The following GYG2 variants were observed in gnomAD, a reference collection of about 807,000 sequenced individuals.
GYG2 encodes the protein glycogenin-2.
Under a neutral mutation model 29.4 loss-of-function variants are expected in GYG2, and 29 were observed. The ratio of observed to expected loss-of-function variants is 0.99; its 90% CI spans 0.74 to 1.35. The LOEUF (loss-of-function observed/expected upper bound fraction) is 1.35. Among genes scored for constraint, GYG2 ranks in the 40% most tolerant of loss-of-function variants. The pLI, the probability that GYG2 is intolerant of heterozygous loss-of-function variation, is 0.00. For missense variants in GYG2, 370 were observed against 385.7 expected, an observed-to-expected ratio of 0.96 and a Z score of 0.34; for synonymous variants, 167 against 172.3, an observed-to-expected ratio of 0.97 and a Z score of 0.24.
intron 2 of GYG2, among the ~76,000 whole-genome samples, chrX:2,834,880 G>A (rs2087341000): frequency 8.9e-6 from 1 of 112,054 alleles, no homozygotes. Flanking sequence ...GAACCCAAAA[G>A]TATCTGAGAC....
intron 6 of GYG2, 147 bp from the exon 7 acceptor site, chrX:2,859,693 TATC>T: frequency 6.8e-6 from 3 of 442,616 alleles, no homozygotes; most frequent in Non-Finnish European, 8.0e-6. Flanking sequence ...ATAGTAGTAG[TATC>T]ATCAGTAATA....
intron 9 of GYG2, among the ~76,000 whole-genome samples, chrX:2,876,906 G>A (rs1231412169): frequency 1.8e-5 from 2 of 110,575 alleles, no homozygotes; most frequent in Non-Finnish European, 3.8e-5. Flanking sequence ...CCGAGATCAC[G>A]TCACTGCACT....
At chrX:2,840,341 GC>G (rs1348658103) in intron 2 of GYG2, among the ~76,000 whole-genome samples, 3 of 111,435 alleles carry the variant, frequency 2.7e-5, no homozygotes, top group Admixed American at 9.6e-5. Flanking sequence ...CCAGCTCTGG[GC>G]TTTGCAGATG....
At chrX:2,838,423 C>T (rs1382273312) in intron 2 of GYG2, among the ~76,000 whole-genome samples, 1 of 100,381 alleles carries the variant, frequency 1.0e-5, no homozygotes, top group East Asian at 3.2e-4. Flanking sequence ...TCTCTCTCTC[C>T]CCTCCTCTCC....
At position 2,855,042 on chromosome X, in the gene GYG2, C is replaced by A. The variant is rs965167856; in HGVS notation, c.374C>A (p.Ala125Asp). The A allele has an allele frequency of 8.3e-7, 1 of 1,210,783 alleles. No homozygotes were observed. Among genetic ancestry groups the A allele is most frequent in the Admixed American group, 2.2e-5 (1 of 46,040 alleles). ...TTTGACAGGGGAGAGTTTTCTGCGG[C>A]CCCGGACCCCGGATGGCCGGATTGC... ...ELFDRGEFSAAPDPGWPDCFN... is the reference protein window; with the variant it reads ...ELFDRGEFSADPDPGWPDCFN... Residue 125 changes from alanine (A) to aspartate (D), a missense_variant, in exon 5 of 11, where the codon GCC becomes GAC. Transcript: ENST00000398806.
At chrX:2,877,606 C>T (rs1355003347) in intron 10 of GYG2, 4 of 751,184 alleles carry the variant, frequency 5.3e-6, no homozygotes, top group East Asian at 1.5e-4. Flanking sequence ...GAAATTAATG[C>T]GTAGCAATCC....
In GYG2 at chrX:2,861,539, G is replaced by T. The variant is rs757913786; in HGVS notation, c.855G>T (p.Val285=). The T allele has an allele frequency of 8.3e-7, 1 of 1,200,903 alleles. No homozygotes were observed. The highest frequency in any genetic ancestry group is 1.1e-6 in the Non-Finnish European group (1 of 888,552). Residue 285 remains valine, a synonymous_variant, in exon 8 of 11, where the codon GTG becomes GTT. Coordinates refer to ENST00000398806, the MANE Select transcript of GYG2 (RefSeq NM_001079855.2). The part of the protein sequence containing the change: ...SPGHTLCHSD[V]GGPCADSASG... ...TTGTGCAGCTTTGCCACAGTGATGT[G>T]GGGGGGCCGTGTGCGGATTCAGCCT...
rs1350700443 is a variant in GYG2 at position 2,860,025 on chromosome X, G to A, written c.797G>A (p.Ser266Asn). The A allele has an allele frequency of 8.4e-7, 1 of 1,197,349 alleles. No individual in the cohort carries two copies. The highest frequency in any genetic ancestry group is 1.8e-5 in the African/African-American group (1 of 56,700). Residue 266 changes from serine to asparagine, a missense_variant, in exon 7 of 11, where the codon AGC becomes AAC. By Grantham distance (46) the Ser-to-Asn change is conservative. Coordinates refer to ENST00000398806, the MANE Select transcript of GYG2 (RefSeq NM_001079855.2). ...AACAACGTGCTGCCCCTTTATAAAA[G>A]CGTCCAAGCGGGGGAAGCACGCGCG... ...YQNNVLPLYK[S>N]VQAGEARASP... is the part of the protein sequence containing the mutation.
At chrX:2,851,306 C>A (rs1249061639) in intron 3 of GYG2, among the ~76,000 whole-genome samples, 15 of 111,604 alleles carry the variant, frequency 1.3e-4, no homozygotes, top group Non-Finnish European at 5.6e-5. Flanking sequence ...AGTGCAGTGG[C>A]ACGATCTCAG....
intron 3 of GYG2, among the ~76,000 whole-genome samples, chrX:2,845,975 A>T (rs1245591748): frequency 3.4e-5 from 3 of 89,269 alleles, no homozygotes; most frequent in Non-Finnish European, 6.5e-5. Flanking sequence ...ATTTAAATTT[A>T]AAAAAATATA....
intron 10 of GYG2, among the ~76,000 whole-genome samples, chrX:2,879,053 C>G (rs2088659394): frequency 1.8e-5 from 2 of 110,926 alleles, no homozygotes; most frequent in South Asian, 7.7e-4. Flanking sequence ...CTTGCTATCA[C>G]CTTAATCAAT....
chrX:2,872,034 G>A (rs1025491916), intron 8 of GYG2, among the ~76,000 whole-genome samples: 2 of 111,329 alleles, frequency 1.8e-5, no homozygotes, highest in African/African-American at 3.3e-5. Context: ...CTGCCTTTAC[G>A]ATGTCCTCTC....
In GYG2 at chrX:2,834,011, C is replaced by T. The variant is rs774583562; in HGVS notation, c.7+3816C>T. Among the ~76,000 whole-genome samples, 27 of 112,248 alleles carry T rather than the reference C, an allele frequency of 2.4e-4. 1 individual carries two copies. The highest frequency in any genetic ancestry group is 1.9e-5 in the Non-Finnish European group (1 of 53,256). On this transcript the variant is annotated intron_variant, in intron 2 of 10. Transcript: ENST00000398806. ...AGCCTCAGGATAATAGAAAAGGCTG[C>T]ATATCACCTTTGTAATCCGGGCCCT...
chrX:2,846,036 C>CACATATAT (rs1199380183), intron 3 of GYG2, among the ~76,000 whole-genome samples: 18 of 33,051 alleles, frequency 5.4e-4, no homozygotes, highest in African/African-American at 1.3e-3. Flanking sequence ...TATATATACA[C>CACATATAT]ATATATATAT....
rs1024337722 is a variant in GYG2, at chrX:2,881,870, G to A, written c.*657G>A. 9.0e-6 allele frequency: 1 copy of A among 111,431 alleles called. No individual in the cohort carries two copies. Among genetic ancestry groups the A allele is most frequent in the East Asian group, 2.8e-4 (1 of 3,536 alleles). 9.2% of individuals were successfully genotyped at this position (111,431 alleles called of 1,213,427 possible). A position where few individuals can be genotyped will look rare whatever the true frequency, so the allele number is the denominator to read the frequency against. ...GATTGTAGGTGGCTTGGGGAATGTG[G>A]GTGGCTTAGAGGATCTAAACCGATT... is the stretch of plus-strand genomic sequence containing the variant. On this transcript the variant is annotated 3_prime_UTR_variant, in exon 11 of 11. Coordinates refer to ENST00000398806, the MANE Select transcript of GYG2 (RefSeq NM_001079855.2).
At chrX:2,837,920 C>A (rs2087413114) in intron 2 of GYG2, among the ~76,000 whole-genome samples, 1 of 109,748 alleles carries the variant, frequency 9.1e-6, no homozygotes, top group African/African-American at 3.3e-5. Context: ...GCTCTGTAAC[C>A]CAAGCTGGAG....
chrX:2,876,918 C>T (rs1389689021), intron 9 of GYG2, among the ~76,000 whole-genome samples: 2 of 110,473 alleles, frequency 1.8e-5, no homozygotes, highest in African/African-American at 3.3e-5. Flanking sequence ...CACTGCACTC[C>T]AGCCTGGGCG....
chrX:2,832,861 A>G (rs1379955606), intron 2 of GYG2, among the ~76,000 whole-genome samples: 10 of 111,788 alleles, frequency 8.9e-5, no homozygotes, highest in African/African-American at 2.6e-4. Context: ...AAGGACACCA[A>G]TCCTATTGGA....
In GYG2 at chrX:2,853,989, C is replaced by G. The variant is rs1174042661; in HGVS notation, c.159C>G (p.Leu53=). ...PQVSSLLRVI[L]SKVFDEVIEV... is the part of the protein sequence containing the mutation. ...CACATGTCTGTTCCAGGGTCATCCT[C>G]TCGAAGGTGTTCGATGAAGTCATTG... Residue 53 remains leucine (L), a synonymous_variant, in exon 4 of 11, where the codon CTC becomes CTG. Transcript: ENST00000398806. 1 of 1,199,296 alleles carries G rather than the reference C, an allele frequency of 8.3e-7. No individual in the cohort carries two copies. Among genetic ancestry groups the G allele is most frequent in the Non-Finnish European group, 1.1e-6 (1 of 885,740 alleles).
Sources: gnomAD v4.1 joint callset for allele counts (sites outside exome capture counted in the v4.1 genomes callset) on GRCh38, gnomAD v4.1.1 for gene constraint, MANE v1.5 for transcripts, NCBI Gene and HGNC (gene_info 2026-07-23, HGNC 2026-07-21) for gene names.